Variants in KIAA1217 observed in about 807,000 individuals in gnomAD.
KIAA1217 encodes the protein sickle tail protein homolog.
In KIAA1217, 88 loss-of-function variants were observed where a neutral mutation model predicts 163.9. The ratio of observed to expected loss-of-function variants is 0.54; its 90% CI spans 0.45 to 0.64. The LOEUF (loss-of-function observed/expected upper bound fraction) is 0.64, where lower values mean the gene tolerates loss of function less well. Among genes scored for constraint, KIAA1217 ranks in the 30% least tolerant of loss-of-function variants. The pLI, the probability that KIAA1217 is intolerant of heterozygous loss-of-function variation, is 0.00. For missense variants in KIAA1217, 2,372 were observed against 2,475.0 expected, an observed-to-expected ratio of 0.96 and a Z score of 0.88; for synonymous variants, 903 against 923.1, an observed-to-expected ratio of 0.98 and a Z score of 0.39.
At chr10:23,711,205 C>T (rs766753247) in intron 1 of KIAA1217, among the ~76,000 whole-genome samples, 3 of 152,166 alleles carry the variant, frequency 2.0e-5, no homozygotes, top group Non-Finnish European at 4.4e-5. Context: ...CCCTTAACCC[C>T]AGAAGATGTC....
chr10:24,099,880 GT>G (rs1385280180), intron 2 of KIAA1217, among the ~76,000 whole-genome samples: 1 of 151,834 alleles, frequency 6.6e-6, no homozygotes, highest in Non-Finnish European at 1.5e-5. Flanking sequence ...GGGTAGATAG[GT>G]TACTAGTTTT....
chr10:23,923,819 T>C (rs921406155), intron 1 of KIAA1217, among the ~76,000 whole-genome samples: 1 of 152,230 alleles, frequency 6.6e-6, no homozygotes, highest in Non-Finnish European at 1.5e-5. Flanking sequence ...TTTTGTTTTT[T>C]AAATTTGAGT....
At chr10:24,483,971 C>G (rs1018745958) in intron 6 of KIAA1217, among the ~76,000 whole-genome samples, 1 of 151,892 alleles carries the variant, frequency 6.6e-6, no homozygotes, top group African/African-American at 2.4e-5. Flanking sequence ...CAGCTCAGTG[C>G]CACAGAGAGC....
chr10:24,093,133 A>G (rs1589464565), intron 2 of KIAA1217, among the ~76,000 whole-genome samples: 1 of 151,554 alleles, frequency 6.6e-6, no homozygotes, highest in African/African-American at 2.4e-5. Context: ...ATCTGGGACT[A>G]CAGGCACGTG....
chr10:24,080,729 A>G (rs2061510301), intron 2 of KIAA1217, among the ~76,000 whole-genome samples: 1 of 152,194 alleles, frequency 6.6e-6, no homozygotes, highest in Admixed American at 6.5e-5. Context: ...AACTTAATAT[A>G]TGCATTTTGG....
rs76174929 is a variant in KIAA1217, at chr10:23,953,316, C to T, written c.-320-53909C>T. ...TGTAAAAACTGATGCAAGTCAATAA[C>T]GATTCTCCTCCATTCAGTGTCTCAG... On this transcript the variant is annotated intron_variant, in intron 1 of 18. Transcript: ENST00000376462. Among the ~76,000 whole-genome samples the T allele has an allele frequency of 7.9e-5, 12 of 152,312 alleles. No homozygotes were observed. The South Asian group carries it at 1.0e-3, about 13-fold the overall frequency.
At chr10:24,539,048 T>G (rs189189993) in intron 17 of KIAA1217, among the ~76,000 whole-genome samples, 174 of 151,726 alleles carry the variant, frequency 1.1e-3, no homozygotes, top group African/African-American at 4.0e-3. Context: ...ATATTGGTCT[T>G]TTCAGTATGT....
chr10:24,490,717 T>C (rs1206092187), intron 6 of KIAA1217, among the ~76,000 whole-genome samples: 10 of 152,206 alleles, frequency 6.6e-5, no homozygotes, highest in African/African-American at 2.4e-4. Flanking sequence ...TATTCGGTGC[T>C]CTGTGTGCTC....
rs543312594 is a variant in KIAA1217 at position 24,404,363 on chromosome 10, T to C, written c.553+23296T>C. On this transcript the variant is annotated intron_variant, in intron 3 of 20. Transcript: ENST00000376454. ...GTGGGCACATCACAAGGTCGGGAGATGGAGACCCTCCTGGCCAACATGGTG... is the reference window on the plus strand; with the variant it reads ...GTGGGCACATCACAAGGTCGGGAGACGGAGACCCTCCTGGCCAACATGGTG... Among the ~76,000 whole-genome samples the C allele has an allele frequency of 2.9e-3, 444 of 152,078 alleles. 3 individuals carry two copies. Among genetic ancestry groups the C allele is most frequent in the South Asian group, 6.9e-3 (33 of 4,806 alleles).
At chr10:24,310,210 G>A (rs1261774705) in intron 2 of KIAA1217, among the ~76,000 whole-genome samples, 1 of 152,234 alleles carries the variant, frequency 6.6e-6, no homozygotes, top group Non-Finnish European at 1.5e-5. Flanking sequence ...GAAACAGGAA[G>A]AACGGCCACT....
chr10:23,953,212 T>C (rs946115213), intron 1 of KIAA1217, among the ~76,000 whole-genome samples: 1 of 152,208 alleles, frequency 6.6e-6, no homozygotes, highest in African/African-American at 2.4e-5. Flanking sequence ...AGTGTTTTAG[T>C]TGGGATTGTA....
At chr10:24,398,173 A>G (rs1458315837) in intron 3 of KIAA1217, among the ~76,000 whole-genome samples, 2 of 152,236 alleles carry the variant, frequency 1.3e-5, no homozygotes, top group East Asian at 1.9e-4. Context: ...CGTATGTTCT[A>G]TGTATTCTAT....
chr10:24,264,337 A>G (rs1304197772), intron 2 of KIAA1217, among the ~76,000 whole-genome samples: 2 of 152,178 alleles, frequency 1.3e-5, no homozygotes, highest in Non-Finnish European at 2.9e-5. Flanking sequence ...ACAGACAAAA[A>G]GATGCATTTA....
intron 1 of KIAA1217, among the ~76,000 whole-genome samples, chr10:23,768,368 CTA>C (rs1199757877): frequency 2.2e-4 from 33 of 152,306 alleles, no homozygotes; most frequent in Middle Eastern, 3.4e-3. Flanking sequence ...AGAGAAAAAA[CTA>C]TTTGAGAACC....
chr10:24,495,189 T>C lies in KIAA1217; in HGVS notation c.1827T>C (p.Asp609=), dbSNP rs138994509. 5.3e-5 allele frequency: 86 copies of C among 1,612,264 alleles called. No individual in the cohort carries two copies. The African/African-American group carries it at 9.5e-4, about 18-fold the overall frequency. ...MKTTANRNHT[D]SAGTPHVSGG... ...CCACAGCCAACAGGAACCACACAGATAGTGCAGGTAAGTAAGTGTTTTTGG... is the reference window on the plus strand; with the variant it reads ...CCACAGCCAACAGGAACCACACAGACAGTGCAGGTAAGTAAGTGTTTTTGG... Residue 609 remains aspartate (D), a synonymous_variant, in exon 8 of 21, where the codon GAT becomes GAC. Coordinates refer to ENST00000376454, the MANE Select transcript of KIAA1217 (RefSeq NM_019590.5).
chr10:24,461,074 C>A (rs577327734), intron 5 of KIAA1217, among the ~76,000 whole-genome samples: 1 of 152,114 alleles, frequency 6.6e-6, no homozygotes, highest in Admixed American at 6.6e-5. Context: ...TCTGCCATTC[C>A]CCAATGTGTT....
At position 23,984,926 on chromosome 10, in the gene KIAA1217, T is replaced by TAA. The variant is rs77713730; in HGVS notation, c.-320-22288_-320-22287dup. Among the ~76,000 whole-genome samples, 13 of 142,212 alleles carry TAA rather than the reference T, an allele frequency of 9.1e-5. No individual in the cohort carries two copies. The East Asian group carries it at 1.2e-3, about 13-fold the overall frequency. The allele number at this position is 142,212 out of a possible 152,430, so 93.3% of individuals were successfully genotyped here. A position where few individuals can be genotyped will look rare whatever the true frequency, so the allele number is the denominator to read the frequency against. ...ACATGTATCCCAGAACTTAAAGTAT[T>TAA]AAAAAAAAAAAAGCCTTGAATGTTT... On this transcript the variant is annotated intron_variant, in intron 1 of 18. Transcript: ENST00000376462.
intron 2 of KIAA1217, among the ~76,000 whole-genome samples, chr10:24,245,045 TG>T (rs921819370): frequency 1.7e-4 from 26 of 152,318 alleles, no homozygotes; most frequent in African/African-American, 5.8e-4. Context: ...GCCAAGTTTA[TG>T]GGAAGCATGA....
intron 2 of KIAA1217, among the ~76,000 whole-genome samples, chr10:24,291,456 G>C (rs552657193): frequency 6.6e-6 from 1 of 152,282 alleles, no homozygotes; most frequent in South Asian, 2.1e-4. Context: ...CTTGAACCTG[G>C]GAGGCGGAGG....
Sources: allele counts gnomAD v4.1 joint callset (sites outside exome capture counted in the v4.1 genomes callset), GRCh38; gene constraint gnomAD v4.1.1; transcripts MANE v1.5; gene names NCBI Gene and HGNC (gene_info 2026-07-23, HGNC 2026-07-21).